The following FZD3 variants were observed in gnomAD, a reference collection of about 807,000 sequenced individuals.
The protein encoded by FZD3 is frizzled-3.
A neutral mutation model predicts 60.7 loss-of-function variants in FZD3; 30 were observed. The ratio of observed to expected loss-of-function variants is 0.49; its 90% CI spans 0.37 to 0.67. FZD3 has a LOEUF of 0.67. Among genes scored for constraint, FZD3 ranks in the 30% least tolerant of loss-of-function variants. The pLI is 0.00. For synonymous variants in FZD3, 246 were observed against 275.2 expected, an observed-to-expected ratio of 0.89 and a Z score of 1.05; for missense variants, 605 against 838.7, an observed-to-expected ratio of 0.72 and a Z score of 3.44.
At position 28,527,561 on chromosome 8, in the gene FZD3, C is replaced by T; in HGVS notation, c.801C>T (p.Ser267=). Residue 267 remains serine, a synonymous_variant, in exon 5 of 8, where the codon TCC becomes TCT. Transcript: ENST00000240093. This position sits in a 1 kb window ranked among gnomAD's most constrained non-coding sequence, Gnocchi z 5.0. ...LLEDRVACNA[S]IPAQYKASTV... is the part of the protein sequence containing the mutation. ...AAGATCGAGTAGCCTGCAATGCATC[C>T]ATCCCTGCACAATATAAGGCTTCCA... is the stretch of plus-strand genomic sequence containing the variant. The T allele has an allele frequency of 6.2e-7, 1 of 1,613,928 alleles. No individual in the cohort carries two copies. The highest frequency in any genetic ancestry group is 8.5e-7 in the Non-Finnish European group (1 of 1,179,844).
chr8:28,496,790 G>C (rs758071737), intron 1 of FZD3, among the ~76,000 whole-genome samples: 19 of 152,172 alleles, frequency 1.2e-4, no homozygotes, highest in Admixed American at 1.3e-4. Context: ...CGTGAAGTTT[G>C]AGATGAATGT....
At position 28,520,593 on chromosome 8, in the gene FZD3, G is replaced by A. The variant is rs200352837; in HGVS notation, c.190-45G>A. The A allele has an allele frequency of 9.4e-5, 105 of 1,120,428 alleles. No homozygotes were observed. The African/African-American group carries it at 1.5e-3, about 16-fold the overall frequency. 69.4% of individuals were successfully genotyped at this position (1,120,428 alleles called of 1,614,324 possible). ...GCAGTATTATAGAAAGCTTTAACTTGTATACAGCTCTTTAACTAATTATTC... is the reference window on the plus strand; with the variant it reads ...GCAGTATTATAGAAAGCTTTAACTTATATACAGCTCTTTAACTAATTATTC... On this transcript the variant is annotated intron_variant, in intron 3 of 7. Transcript: ENST00000240093.
intron 7 of FZD3, among the ~76,000 whole-genome samples, chr8:28,558,239 G>A (rs552968687): frequency 3.9e-5 from 6 of 152,184 alleles, no homozygotes; most frequent in African/African-American, 1.2e-4. Context: ...CAATAGCATC[G>A]GAATGAAGGA....
At chr8:28,538,757 A>G (rs953606947) in intron 5 of FZD3, among the ~76,000 whole-genome samples, 3 of 151,942 alleles carry the variant, frequency 2.0e-5, no homozygotes, top group African/African-American at 4.8e-5. Context: ...CTAATATTAA[A>G]TGAATCTAGA....
chr8:28,533,386 G>A (rs1019660078), intron 5 of FZD3, among the ~76,000 whole-genome samples: 4 of 151,896 alleles, frequency 2.6e-5, no homozygotes, highest in Non-Finnish European at 5.9e-5. Context: ...CATCCCTACT[G>A]CTTTCTTTAG....
intron 3 of FZD3, among the ~76,000 whole-genome samples, chr8:28,508,208 T>C (rs1005344934): frequency 1.3e-5 from 2 of 152,154 alleles, no homozygotes; most frequent in Non-Finnish European, 2.9e-5. Flanking sequence ...TTTAGTGTTT[T>C]TGACACCACC....
In FZD3 at chr8:28,552,651, G is replaced by A. The variant is rs147039544; in HGVS notation, c.1553+900G>A. ...TATTTTAAAATTATATGTAGAATGC[G>A]CCTTGTATTGGTTAATGTCATTTTC... On this transcript the variant is annotated intron_variant, in intron 6 of 7. Transcript: ENST00000240093. Among the ~76,000 whole-genome samples the A allele has an allele frequency of 3.5e-4, 53 of 151,962 alleles. No individual in the cohort carries two copies. In the East Asian group the frequency reaches 4.4e-3, roughly 13 times the overall value.
rs1010315326 is a variant in FZD3 at position 28,564,282 on chromosome 8, C to A, written c.*1271C>A. 1.3e-5 allele frequency: 2 copies of A among 151,846 alleles called. No homozygotes were observed. The highest frequency in any genetic ancestry group is 4.8e-5 in the African/African-American group (2 of 41,334). The allele number at this position is 151,846 out of a possible 1,614,324, so 9.4% of individuals were successfully genotyped here. A position where few individuals can be genotyped will look rare whatever the true frequency, so the allele number is the denominator to read the frequency against. On this transcript the variant is annotated 3_prime_UTR_variant, in exon 8 of 8. Transcript: ENST00000240093. ...CTGTAAAACTTATTAGGCATGAAAT[C>A]AATCAGAAGAGAAAGAAAAATGCTG...
chr8:28,558,949 C>G (rs559322844), intron 7 of FZD3, among the ~76,000 whole-genome samples: 1 of 152,048 alleles, frequency 6.6e-6, no homozygotes, highest in South Asian at 2.1e-4. Flanking sequence ...ATAAGACATA[C>G]ACATATGAAC....
At chr8:28,547,028 G>A (rs1193295375) in intron 5 of FZD3, among the ~76,000 whole-genome samples, 1 of 152,158 alleles carries the variant, frequency 6.6e-6, no homozygotes, top group Non-Finnish European at 1.5e-5. Flanking sequence ...AAGTATATGG[G>A]AAAAGTCTCC....
intron 4 of FZD3, among the ~76,000 whole-genome samples, chr8:28,524,320 C>T (rs1349730690): frequency 6.6e-6 from 1 of 152,124 alleles, no homozygotes; most frequent in East Asian, 1.9e-4. Flanking sequence ...ATTTAGACCT[C>T]CAAATAGACT....
rs368293589 is a variant in FZD3, at chr8:28,503,217, A to C, written c.189+15A>C. Reference sequence around the variant, plus strand: ...TGGCAATGGAGGTAAGACTTGATCTATTCTTTGACGTATCTTAGTAAATGA... The same window carrying C: ...TGGCAATGGAGGTAAGACTTGATCTCTTCTTTGACGTATCTTAGTAAATGA... On this transcript the variant is annotated intron_variant, in intron 3 of 7. Transcript: ENST00000240093. 1.3e-6 allele frequency: 2 copies of C among 1,553,994 alleles called. No homozygotes were observed. Among genetic ancestry groups the C allele is most frequent in the South Asian group, 2.3e-5 (2 of 88,714 alleles).
At chr8:28,533,045 T>G (rs896997835) in intron 5 of FZD3, among the ~76,000 whole-genome samples, 1 of 152,170 alleles carries the variant, frequency 6.6e-6, no homozygotes, top group African/African-American at 2.4e-5. Context: ...CTTGAGGCAT[T>G]TTTTGTCATT....
At position 28,568,263 on chromosome 8, in the gene FZD3, T is replaced by C. The variant is rs1044881320; in HGVS notation, c.*5252T>C. ...CATTTAATTCAGCTGTATTTCCTAG[T>C]AGCTGTATAATCTTACACATTATTC... On this transcript the variant is annotated 3_prime_UTR_variant, in exon 8 of 8. Coordinates refer to ENST00000240093, the MANE Select transcript of FZD3 (RefSeq NM_017412.4). 2.0e-5 allele frequency: 3 copies of C among 152,192 alleles called. No homozygotes were observed. The highest frequency in any genetic ancestry group is 2.0e-4 in the Admixed American group (3 of 15,276). The allele number at this position is 152,192 out of a possible 1,614,324, so 9.4% of individuals were successfully genotyped here.
intron 5 of FZD3, among the ~76,000 whole-genome samples, chr8:28,550,534 C>T (rs1805389019): frequency 8.2e-6 from 1 of 121,574 alleles, no homozygotes; most frequent in East Asian, 2.6e-4. Flanking sequence ...TTCTGTTGCC[C>T]AAGCTGGAGT....
Position 28,520,651 on chromosome 8 carries a change from T to A in FZD3, c.203T>A (p.Met68Lys). ...ACTTTTCCCTAGCCATTCCACCCTA[T>A]GGTGAATCTGGATTGTTCTCGGGAT... ...AALAMEPFHPMVNLDCSRDFR... is the reference protein window; with the variant it reads ...AALAMEPFHPKVNLDCSRDFR... Residue 68 changes from methionine (M) to lysine (K), a missense_variant, in exon 4 of 8, where the codon ATG (methionine) becomes AAG (lysine). By Grantham distance (95) the Met-to-Lys change is moderately conservative. Coordinates refer to ENST00000240093, the MANE Select transcript of FZD3 (RefSeq NM_017412.4). 6.3e-7 allele frequency: 1 copy of A among 1,586,476 alleles called. No individual in the cohort carries two copies. The highest frequency in any genetic ancestry group is 2.3e-5 in the East Asian group (1 of 44,212).
At chr8:28,498,518 A>G (rs533801911) in intron 1 of FZD3, among the ~76,000 whole-genome samples, 1 of 152,206 alleles carries the variant, frequency 6.6e-6, no homozygotes, top group Non-Finnish European at 1.5e-5. Context: ...TTAGAAGCAG[A>G]TAATTCATTA....
chr8:28,500,531 C>T (rs1803961038), intron 2 of FZD3, among the ~76,000 whole-genome samples: 1 of 152,116 alleles, frequency 6.6e-6, no homozygotes, highest in South Asian at 2.1e-4. Flanking sequence ...CTTGTTGTTA[C>T]TATATGCGTA....
chr8:28,517,928 C>A (rs1438971212), intron 3 of FZD3, among the ~76,000 whole-genome samples: 2 of 152,050 alleles, frequency 1.3e-5, no homozygotes, highest in South Asian at 2.1e-4. Context: ...TAATTTTTTA[C>A]TAAGTGCTAG....
Sources: allele counts gnomAD v4.1 joint callset (sites outside exome capture counted in the v4.1 genomes callset), GRCh38; gene constraint gnomAD v4.1.1; non-coding constraint Gnocchi (gnomAD v3.1); transcripts MANE v1.5; gene names NCBI Gene and HGNC (gene_info 2026-07-23, HGNC 2026-07-21).